Variants in SAMD5 observed in about 807,000 individuals in gnomAD.
The protein encoded by SAMD5 is sterile alpha motif domain containing 5, also known as sterile alpha motif domain-containing protein 5.
SAMD5 carries 13 observed loss-of-function variants against 11.3 expected under a neutral mutation model. The ratio of observed to expected loss-of-function variants is 1.15; its 90% confidence interval spans 0.75 to 1.83. SAMD5 has a LOEUF of 1.83. Among genes scored for constraint, SAMD5 ranks in the 40% most tolerant of loss-of-function variants. The probability of loss-of-function intolerance (pLI) is 0.00; values close to 1 mark genes in which losing one functional copy is unlikely to be tolerated. For missense variants in SAMD5, 255 were observed against 239.1 expected, an observed-to-expected ratio of 1.07 and a Z score of -0.44; for synonymous variants, 129 against 111.3, an observed-to-expected ratio of 1.16 and a Z score of -1.00.
chr6:147,680,461 G>A (rs963801830), intron 1 of SAMD5, among the ~76,000 whole-genome samples: 7 of 152,060 alleles, frequency 4.6e-5, no homozygotes, highest in Admixed American at 2.6e-4. Flanking sequence ...GGTGGACTGC[G>A]AATAATAATG....
the SAMD5 span, among the ~76,000 whole-genome samples, chr6:147,816,303 T>TAAAAAAAA: frequency 1.7e-5 from 1 of 59,642 alleles, no homozygotes; most frequent in Non-Finnish European, 2.7e-5. Context: ...AAAAAAAAAA[T>TAAAAAAAA]ATATATATAT....
intron 1 of SAMD5, among the ~76,000 whole-genome samples, chr6:147,594,464 C>T (rs1332754979): frequency 6.6e-6 from 1 of 152,150 alleles, no homozygotes; most frequent in East Asian, 1.9e-4. Context: ...TTCTGAGTAG[C>T]AGACATAATT....
chr6:147,778,393 G>T, the SAMD5 span, among the ~76,000 whole-genome samples: 1 of 152,062 alleles, frequency 6.6e-6, no homozygotes, highest in Non-Finnish European at 1.5e-5. Context: ...TTTCTACTTG[G>T]ATGTTCAGTA....
the SAMD5 span, among the ~76,000 whole-genome samples, chr6:147,779,381 A>C: frequency 6.6e-6 from 1 of 152,184 alleles, no homozygotes; most frequent in Non-Finnish European, 1.5e-5. Context: ...TAATTGTATT[A>C]GTATGACCAC....
the SAMD5 span, among the ~76,000 whole-genome samples, chr6:147,930,563 G>C: frequency 6.6e-6 from 1 of 152,160 alleles, no homozygotes; most frequent in Non-Finnish European, 1.5e-5. Context: ...ATAAGCTGGA[G>C]AATGATAGAA....
At chr6:147,789,939 A>G in the SAMD5 span, among the ~76,000 whole-genome samples, 1 of 152,216 alleles carries the variant, frequency 6.6e-6, no homozygotes, top group African/African-American at 2.4e-5. Context: ...TGACGATACT[A>G]ATCATTGCCA....
At chr6:147,579,121 G>A (rs1036078050) in intron 1 of SAMD5, among the ~76,000 whole-genome samples, 9 of 152,220 alleles carry the variant, frequency 5.9e-5, no homozygotes, top group African/African-American at 7.2e-5. Flanking sequence ...GTACTGCATT[G>A]GTCTCTGAGG....
Position 147,508,711 on chromosome 6 carries a change from T to G in SAMD5, c.-218T>G, listed in dbSNP as rs1016416940. ...AGCCAGTGCCTGCGAGCTCCGCTGCTGCTTGGGGAATTCACTTTGCTGCTT... is the reference window on the plus strand; with the variant it reads ...AGCCAGTGCCTGCGAGCTCCGCTGCGGCTTGGGGAATTCACTTTGCTGCTT... On this transcript the variant is annotated 5_prime_UTR_variant, in exon 1 of 2. Coordinates refer to ENST00000367474, the MANE Select transcript of SAMD5 (RefSeq NM_001030060.3). 7.9e-5 allele frequency among the ~76,000 whole-genome samples: 12 copies of G among 152,304 alleles called. No individual in the cohort carries two copies. In the Middle Eastern group the frequency reaches 0.01, roughly 130 times the overall value.
At chr6:147,793,982 C>A in the SAMD5 span, among the ~76,000 whole-genome samples, 1 of 152,012 alleles carries the variant, frequency 6.6e-6, no homozygotes, top group Non-Finnish European at 1.5e-5. Context: ...TCACTTATAC[C>A]AGACTCTAAA....
chr6:147,552,295 T>C (rs1788787708), intron 1 of SAMD5, among the ~76,000 whole-genome samples: 1 of 152,238 alleles, frequency 6.6e-6, no homozygotes, highest in Admixed American at 6.5e-5. Flanking sequence ...GAAGTAATAC[T>C]GTAAAGACCT....
chr6:147,944,158 T>C, the SAMD5 span, among the ~76,000 whole-genome samples: 3 of 152,226 alleles, frequency 2.0e-5, no homozygotes, highest in Non-Finnish European at 4.4e-5. Flanking sequence ...TTCCTTACTA[T>C]ACCCATTCAC....
At chr6:147,864,368 A>G in the SAMD5 span, among the ~76,000 whole-genome samples, 2 of 152,228 alleles carry the variant, frequency 1.3e-5, no homozygotes, top group African/African-American at 4.8e-5. Context: ...TTTCCTTTAA[A>G]AATATTCTGA....
At chr6:147,639,514 A>G (rs1353740795) in intron 1 of SAMD5, among the ~76,000 whole-genome samples, 1 of 152,198 alleles carries the variant, frequency 6.6e-6, no homozygotes, top group Non-Finnish European at 1.5e-5. Flanking sequence ...GCTATGGCTC[A>G]TCCTCATCTC....
intron 1 of SAMD5, among the ~76,000 whole-genome samples, chr6:147,643,159 A>G (rs140233492): frequency 6.5e-4 from 99 of 152,304 alleles, no homozygotes; most frequent in Non-Finnish European, 1.1e-3. Context: ...ATGTGAAATT[A>G]TTGGTGAATC....
downstream of SAMD5, among the ~76,000 whole-genome samples, chr6:147,573,877 C>A (rs844629): frequency 0.069 from 10,473 of 152,194 alleles, 590 homozygotes; most frequent in African/African-American, 0.16. Context: ...GTAATTCCAG[C>A]ATTTTGGGAG....
chr6:147,593,755 A>G (rs1789489690), intron 1 of SAMD5, among the ~76,000 whole-genome samples: 1 of 152,108 alleles, frequency 6.6e-6, no homozygotes, highest in South Asian at 2.1e-4. Flanking sequence ...CCTTCTCCAC[A>G]TCTGAAGGCT....
the SAMD5 span, among the ~76,000 whole-genome samples, chr6:147,847,061 C>T: frequency 6.6e-6 from 1 of 152,122 alleles, no homozygotes; most frequent in Non-Finnish European, 1.5e-5. Flanking sequence ...TCTTGCTAAC[C>T]ACATACAAAC....
intron 1 of SAMD5, among the ~76,000 whole-genome samples, chr6:147,600,113 C>T (rs1789593618): frequency 6.6e-6 from 1 of 152,160 alleles, no homozygotes; most frequent in South Asian, 2.1e-4. Flanking sequence ...CATGGATCCT[C>T]TTTGCACTGT....
At chr6:147,670,080 A>C (rs560540594) in intron 1 of SAMD5, among the ~76,000 whole-genome samples, 1 of 152,368 alleles carries the variant, frequency 6.6e-6, no homozygotes, top group Admixed American at 6.5e-5. Context: ...ATTACCAAGC[A>C]TGAAAACAGC....
Sources: allele counts gnomAD v4.1 joint callset (sites outside exome capture counted in the v4.1 genomes callset), GRCh38; gene constraint gnomAD v4.1.1; transcripts MANE v1.5; gene names NCBI Gene and HGNC (gene_info 2026-07-23, HGNC 2026-07-21).